ZNF385B: variants seen among roughly 807,000 people sequenced by gnomAD.
The protein encoded by ZNF385B is zinc finger protein 385B.
A neutral mutation model predicts 39.2 loss-of-function variants in ZNF385B; 23 were observed. The ratio of observed to expected loss-of-function variants is 0.59; its 90% CI spans 0.42 to 0.83. The LOEUF is 0.83. Among genes scored for constraint, ZNF385B ranks in the 40% least tolerant of loss-of-function variants. The probability of loss-of-function intolerance (pLI) is 0.00; values close to 1 mark genes in which losing one functional copy is unlikely to be tolerated. For synonymous variants in ZNF385B, 205 were observed against 222.6 expected (o/e 0.92, Z 0.70); for missense variants, 552 against 598.9 (o/e 0.92, Z 0.82).
At chr2:179,547,010 G>T (rs1224603117) in intron 3 of ZNF385B, among the ~76,000 whole-genome samples, 2 of 149,680 alleles carry the variant, frequency 1.3e-5, no homozygotes, top group African/African-American at 5.0e-5. Context: ...ATACCTGTTT[G>T]CCATTTGTAT....
intron 1 of ZNF385B, among the ~76,000 whole-genome samples, chr2:179,849,528 T>C (rs1708971064): frequency 1.3e-5 from 2 of 152,176 alleles, no homozygotes; most frequent in Non-Finnish European, 2.9e-5. Context: ...ATCCCTGAAA[T>C]AGAATGGGTG....
chr2:179,636,223 C>T (rs10192634), intron 3 of ZNF385B, among the ~76,000 whole-genome samples: 39,928 of 152,028 alleles, frequency 0.26, 5,588 homozygotes, highest in East Asian at 0.54. Context: ...TGACTACATA[C>T]TTCTAGGACT....
intron 4 of ZNF385B, among the ~76,000 whole-genome samples, chr2:179,521,994 G>C (rs80262291): frequency 6.6e-6 from 1 of 151,848 alleles, no homozygotes; most frequent in Non-Finnish European, 1.5e-5. Context: ...AAATTCTATA[G>C]TTATATTTTT....
At chr2:179,607,293 C>T (rs1204047524) in intron 3 of ZNF385B, among the ~76,000 whole-genome samples, 1 of 152,006 alleles carries the variant, frequency 6.6e-6, no homozygotes, top group South Asian at 2.1e-4. Flanking sequence ...AGGGGAGGGA[C>T]CTGGTGGGAA....
intron 3 of ZNF385B, among the ~76,000 whole-genome samples, chr2:179,634,263 G>GAAT (rs1295469929): frequency 6.6e-6 from 1 of 152,090 alleles, no homozygotes; most frequent in Non-Finnish European, 1.5e-5. Flanking sequence ...AGAGTGATCA[G>GAAT]GCAACCTACA....
chr2:179,607,940 G>A (rs1224100681), intron 3 of ZNF385B, among the ~76,000 whole-genome samples: 4 of 102,664 alleles, frequency 3.9e-5, no homozygotes, highest in Non-Finnish European at 5.6e-5. Context: ...TGAGATGGGA[G>A]TTTTACTCTT....
At chr2:179,480,408 A>T (rs2105578680) in intron 6 of ZNF385B, among the ~76,000 whole-genome samples, 1 of 152,270 alleles carries the variant, frequency 6.6e-6, no homozygotes, top group Admixed American at 6.5e-5. Flanking sequence ...TGAAGCACTG[A>T]TTTTTGTGTC....
At chr2:179,684,878 G>C (rs1168241871) in intron 3 of ZNF385B, among the ~76,000 whole-genome samples, 1 of 152,072 alleles carries the variant, frequency 6.6e-6, no homozygotes, top group Non-Finnish European at 1.5e-5. Context: ...AAAATTTTAG[G>C]CACTTTAAGT....
chr2:179,746,317 C>A (rs2106460706), intron 3 of ZNF385B, among the ~76,000 whole-genome samples: 1 of 152,244 alleles, frequency 6.6e-6, no homozygotes, highest in East Asian at 1.9e-4. Context: ...ATAAAGGCTG[C>A]ATAAATCAAA....
At chr2:179,659,153 T>A (rs902383439) in intron 3 of ZNF385B, among the ~76,000 whole-genome samples, 2 of 152,248 alleles carry the variant, frequency 1.3e-5, no homozygotes, top group African/African-American at 4.8e-5. Context: ...TCACAACTGT[T>A]CGAAGTATAA....
At chr2:179,849,063 G>A (rs1708946790) in intron 1 of ZNF385B, among the ~76,000 whole-genome samples, 1 of 152,160 alleles carries the variant, frequency 6.6e-6, no homozygotes, top group African/African-American at 2.4e-5. Flanking sequence ...GTTTAAATAT[G>A]TTTATAATTT....
intron 3 of ZNF385B, among the ~76,000 whole-genome samples, chr2:179,655,653 A>T (rs879396873): frequency 1.3e-5 from 2 of 152,022 alleles, no homozygotes; most frequent in Non-Finnish European, 2.9e-5. Context: ...AAGAAACAAA[A>T]TTTTCCACAG....
chr2:179,782,249 A>G (rs1392995515), intron 1 of ZNF385B, among the ~76,000 whole-genome samples: 1 of 152,214 alleles, frequency 6.6e-6, no homozygotes, highest in African/African-American at 2.4e-5. Flanking sequence ...GATTATCTCA[A>G]TAGACACAGA....
chr2:179,801,637 G>C lies in ZNF385B; in HGVS notation c.-154-30965C>G, dbSNP rs545914320. Among the ~76,000 whole-genome samples, 40 of 152,030 alleles carry C rather than the reference G, an allele frequency of 2.6e-4. No individual in the cohort carries two copies. The South Asian group carries it at 7.9e-3, about 30-fold the overall frequency. Reference sequence around the variant, plus strand: ...GCCTAATTCAATTTTGAACCTCTAGGGCTTATCACGGCCCCTGCCATATAA... The same window carrying C: ...GCCTAATTCAATTTTGAACCTCTAGCGCTTATCACGGCCCCTGCCATATAA... On this transcript the variant is annotated intron_variant, in intron 1 of 9. Transcript: ENST00000410066.
intron 3 of ZNF385B, among the ~76,000 whole-genome samples, chr2:179,671,165 G>A (rs550134512): frequency 2.0e-5 from 3 of 152,202 alleles, no homozygotes; most frequent in African/African-American, 4.8e-5. Flanking sequence ...TCTGGCGACT[G>A]TCAGCTGCTT....
chr2:179,571,281 C>T (rs1325766808), intron 3 of ZNF385B, among the ~76,000 whole-genome samples: 1 of 152,134 alleles, frequency 6.6e-6, no homozygotes, highest in East Asian at 1.9e-4. Flanking sequence ...AAGGTCATTA[C>T]AACAGTTATG....
chr2:179,647,181 T>C (rs1041795208), intron 3 of ZNF385B, among the ~76,000 whole-genome samples: 5 of 152,198 alleles, frequency 3.3e-5, no homozygotes, highest in African/African-American at 1.2e-4. Context: ...ATAGTTAGCA[T>C]GAAAGAATCT....
chr2:179,749,067 C>A (rs1702531470), intron 3 of ZNF385B, among the ~76,000 whole-genome samples: 1 of 151,990 alleles, frequency 6.6e-6, no homozygotes, highest in Admixed American at 6.6e-5. Flanking sequence ...TTGGTGAATT[C>A]TTCTTTTTTT....
At chr2:179,541,736 T>C (rs1000399978) in intron 4 of ZNF385B, among the ~76,000 whole-genome samples, 2 of 152,160 alleles carry the variant, frequency 1.3e-5, no homozygotes, top group African/African-American at 4.8e-5. Flanking sequence ...AGGTCTATTA[T>C]ACACATTCAA....
Sources: allele counts gnomAD v4.1 joint callset (sites outside exome capture counted in the v4.1 genomes callset), GRCh38; gene constraint gnomAD v4.1.1; transcripts MANE v1.5; gene names NCBI Gene and HGNC (gene_info 2026-07-23, HGNC 2026-07-21).